ACAP2: variants seen among roughly 807,000 people sequenced by gnomAD.
ACAP2 encodes ArfGAP with coiled-coil, ankyrin repeat and PH domains 2, also known as arf-GAP with coiled-coil, ANK repeat and PH domain-containing protein 2.
Under a neutral mutation model 115.8 loss-of-function variants are expected in ACAP2, and 39 were observed. That is an observed-to-expected ratio of 0.34 (90% confidence interval 0.26 to 0.44). The LOEUF (loss-of-function observed/expected upper bound fraction) is 0.44, where lower values mean the gene tolerates loss of function less well. Ranked by LOEUF, ACAP2 falls within the 20% of genes least tolerant of loss-of-function variation. The pLI is 1.00. For synonymous variants in ACAP2, 289 were observed against 315.8 expected, an observed-to-expected ratio of 0.92 and a Z score of 0.90; for missense variants, 662 against 927.6, an observed-to-expected ratio of 0.71 and a Z score of 3.72.
At chr3:195,411,696 C>T (rs942784104) in intron 1 of ACAP2, among the ~76,000 whole-genome samples, 6 of 152,024 alleles carry the variant, frequency 3.9e-5, no homozygotes, top group African/African-American at 1.5e-4. Context: ...CTAGATCAAA[C>T]CACGGAGAGA....
chr3:195,397,771 A>C (rs1396401812), intron 1 of ACAP2, among the ~76,000 whole-genome samples: 2 of 152,188 alleles, frequency 1.3e-5, no homozygotes, highest in African/African-American at 4.8e-5. Flanking sequence ...GAAAACACTA[A>C]GTAGTCAGTG....
chr3:195,357,468 G>A (rs1732052046), intron 4 of ACAP2, among the ~76,000 whole-genome samples: 1 of 152,136 alleles, frequency 6.6e-6, no homozygotes, highest in African/African-American at 2.4e-5. Context: ...TATAGCCTGA[G>A]TGCCTTAAGA....
chr3:195,430,755 G>A (rs1433443483), intron 1 of ACAP2, among the ~76,000 whole-genome samples: 3 of 151,956 alleles, frequency 2.0e-5, no homozygotes, highest in African/African-American at 4.8e-5. Flanking sequence ...CAAGGGGCTG[G>A]GGTTTAAAGA....
chr3:195,394,865 C>G (rs1438183810), intron 1 of ACAP2, among the ~76,000 whole-genome samples: 1 of 151,504 alleles, frequency 6.6e-6, no homozygotes, highest in Non-Finnish European at 1.5e-5. Context: ...TTACAGTGAG[C>G]TATGACTGCA....
At chr3:195,394,925 T>TACGAAGCACATAAC (rs1560324261) in intron 1 of ACAP2, among the ~76,000 whole-genome samples, 2 of 150,714 alleles carry the variant, frequency 1.3e-5, no homozygotes, top group African/African-American at 4.9e-5. Flanking sequence ...CTCTTTTTTT[T>TACGAAGCACATAAC]TTTTTTTTTT....
At chr3:195,292,541 A>T in intron 18 of ACAP2, 89 bp from the exon 19 acceptor site, 1 of 1,262,016 alleles carries the variant, frequency 7.9e-7, no homozygotes, top group Non-Finnish European at 1.1e-6. Flanking sequence ...CAGTTTTGCA[A>T]GATAAAAAGA....
At chr3:195,426,868 G>C (rs185398976) in intron 1 of ACAP2, among the ~76,000 whole-genome samples, 2 of 152,276 alleles carry the variant, frequency 1.3e-5, no homozygotes, top group Admixed American at 1.3e-4. Flanking sequence ...TGTTTTGCAT[G>C]TGGAATAGAG....
At chr3:195,422,437 T>G (rs1219503447) in intron 1 of ACAP2, among the ~76,000 whole-genome samples, 1 of 152,170 alleles carries the variant, frequency 6.6e-6, no homozygotes, top group African/African-American at 2.4e-5. Context: ...ATCTTTTTGT[T>G]CCATATTGTG....
rs201946104 is a variant in ACAP2 at position 195,436,133 on chromosome 3, A to AT, written c.53+6661dup. Among the ~76,000 whole-genome samples, 328 of 110,448 alleles carry AT rather than the reference A, an allele frequency of 3.0e-3. 2 individuals are homozygous for AT. Among genetic ancestry groups the AT allele is most frequent in the East Asian group, 0.016 (69 of 4,370 alleles). 72.5% of individuals were successfully genotyped at this position (110,448 alleles called of 152,430 possible). A position where few individuals can be genotyped will look rare whatever the true frequency, so the allele number is the denominator to read the frequency against. On this transcript the variant is annotated intron_variant, in intron 1 of 22. Transcript: ENST00000326793. ...TACATATATATGTATATATATATAT[A>AT]TTTTTTTTTTTTGGAGACAAAGTCC...
At chr3:195,406,477 T>A (rs113593888) in intron 1 of ACAP2, among the ~76,000 whole-genome samples, 1 of 152,198 alleles carries the variant, frequency 6.6e-6, no homozygotes, top group East Asian at 1.9e-4. Flanking sequence ...TAGTTGCACA[T>A]TCCTGGTGGT....
chr3:195,354,932 C>T (rs1731855755), intron 4 of ACAP2, among the ~76,000 whole-genome samples: 1 of 152,226 alleles, frequency 6.6e-6, no homozygotes, highest in Non-Finnish European at 1.5e-5. Context: ...GGCATGATCT[C>T]AGCTCACTGT....
intron 12 of ACAP2, 164 bp from the exon 13 acceptor site, chr3:195,306,780 T>A (rs1462255059): frequency 2.0e-6 from 1 of 495,006 alleles, no homozygotes; most frequent in African/African-American, 2.0e-5. Flanking sequence ...GGGCAAAGTA[T>A]GTTAACGAAG....
chr3:195,319,452 C>T (rs983162026), intron 10 of ACAP2, among the ~76,000 whole-genome samples: 1 of 152,204 alleles, frequency 6.6e-6, no homozygotes, highest in Non-Finnish European at 1.5e-5. Flanking sequence ...ATAAAAGCAG[C>T]GCAGGGGCTA....
chr3:195,371,196 A>T (rs907962106), intron 4 of ACAP2, among the ~76,000 whole-genome samples: 1 of 152,044 alleles, frequency 6.6e-6, no homozygotes, highest in Non-Finnish European at 1.5e-5. Context: ...ATCCATGAGG[A>T]TTTAACATTT....
At chr3:195,329,566 T>C (rs952139186) in intron 8 of ACAP2, among the ~76,000 whole-genome samples, 1 of 152,192 alleles carries the variant, frequency 6.6e-6, no homozygotes, top group Admixed American at 6.5e-5. Flanking sequence ...CCCTCTTTCC[T>C]TCATAACACA....
chr3:195,295,835 T>TTTATCC lies in ACAP2; in HGVS notation c.1539_1544dup (p.Asp514_Lys515dup). 6.2e-7 allele frequency: 1 copy of TTTATCC among 1,613,912 alleles called. No homozygotes were observed. The highest frequency in any genetic ancestry group is 8.5e-7 in the Non-Finnish European group (1 of 1,179,942). ...CAGGAGGTGATAATGATATAGAATA[T>TTTATCC]TTATCCACAAATTTCCTCTCCACAT... On this transcript the variant is annotated inframe_insertion, in exon 17 of 23. Coordinates refer to ENST00000326793, the MANE Select transcript of ACAP2 (RefSeq NM_012287.6).
In ACAP2 at chr3:195,342,455, G is replaced by C; in HGVS notation, c.528+16C>G. 1 of 1,582,252 alleles carries C rather than the reference G, an allele frequency of 6.3e-7. No homozygotes were observed. The highest frequency in any genetic ancestry group is 1.2e-5 in the South Asian group (1 of 84,566). ...TAAGCACTGTCTGAAAACATACACA[G>C]TAAGAAACTATATACCTGAAGCACA... On this transcript the variant is annotated intron_variant, in intron 6 of 22. Transcript: ENST00000326793.
At chr3:195,292,831 A>G (rs1245892515) in intron 18 of ACAP2, among the ~76,000 whole-genome samples, 1 of 151,166 alleles carries the variant, frequency 6.6e-6, no homozygotes, top group African/African-American at 2.4e-5. Context: ...CTGAGGGACG[A>G]GAATCACTTG....
intron 4 of ACAP2, among the ~76,000 whole-genome samples, chr3:195,378,774 T>C (rs541725354): frequency 1.0e-3 from 151 of 147,956 alleles, no homozygotes; most frequent in African/African-American, 3.7e-3. Flanking sequence ...GGCAAGAGAA[T>C]CACCTGAACC....
Sources: allele counts gnomAD v4.1 joint callset (sites outside exome capture counted in the v4.1 genomes callset), GRCh38; gene constraint gnomAD v4.1.1; transcripts MANE v1.5; gene names NCBI Gene and HGNC (gene_info 2026-07-23, HGNC 2026-07-21).